The following PPT1 variants were observed in gnomAD, a reference collection of about 807,000 sequenced individuals.
The protein encoded by PPT1 is ceroid-palmitoyl-palmitoyl-protein thioesterase 1.
A neutral mutation model predicts 44.0 loss-of-function variants in PPT1; 24 were observed. The observed-to-expected ratio is 0.54, with a 90% confidence interval of 0.39 to 0.77. PPT1 has a LOEUF of 0.77. PPT1 is among the 30% of genes least tolerant of loss of function. PPT1 has a pLI of 0.00. For missense variants in PPT1, 341 were observed against 378.8 expected, an observed-to-expected ratio of 0.90 and a Z score of 0.83; for synonymous variants, 148 against 140.2, an observed-to-expected ratio of 1.06 and a Z score of -0.39.
chr1:40,078,552 T>C lies in PPT1; in HGVS notation c.726+8A>G, dbSNP rs1648749980. 2 of 1,611,734 alleles carry C rather than the reference T, an allele frequency of 1.2e-6. No homozygotes were observed. The highest frequency in any genetic ancestry group is 3.3e-5 in the Admixed American group (2 of 60,016). ...CTCTCCTGGCATGTGGCCTAAGTAG[T>C]GTCTCACCTCCGAATCTACAGGGTC... On this transcript the variant is annotated splice_region_variant and intron_variant, in intron 7 of 8. Coordinates refer to ENST00000642050, the MANE Select transcript of PPT1 (RefSeq NM_000310.4).
intron 5 of PPT1, among the ~76,000 whole-genome samples, chr1:40,088,466 C>T (rs769985086): frequency 2.0e-5 from 3 of 152,088 alleles, no homozygotes; most frequent in Non-Finnish European, 4.4e-5. Context: ...AGGATAAAGC[C>T]CAGGAATCCA....
chr1:40,074,757 C>T (rs1167237474), intron 8 of PPT1, among the ~76,000 whole-genome samples: 2 of 151,960 alleles, frequency 1.3e-5, no homozygotes, highest in African/African-American at 2.4e-5. Context: ...GCGTGAGCCA[C>T]CACACCCGGC....
chr1:40,092,895 A>G (rs953853966), intron 1 of PPT1, among the ~76,000 whole-genome samples: 1 of 152,254 alleles, frequency 6.6e-6, no homozygotes, highest in Non-Finnish European at 1.5e-5. Flanking sequence ...TCAACGATGT[A>G]GAAAAATGGG....
intron 4 of PPT1, 134 bp downstream of exon 4, chr1:40,091,195 G>C (rs1233027773): frequency 2.1e-6 from 2 of 933,694 alleles, no homozygotes; most frequent in African/African-American, 3.3e-5. Context: ...TGGCTAGTTT[G>C]TTAAAAGCTA....
At chr1:40,074,952 A>T (rs75047140) in intron 8 of PPT1, among the ~76,000 whole-genome samples, 11,219 of 152,114 alleles carry the variant, frequency 0.074, 614 homozygotes, top group South Asian at 0.2. Flanking sequence ...TAGCTAGGTA[A>T]CTTAAAAAAC....
At chr1:40,093,411 T>C (rs1649671504) in intron 1 of PPT1, among the ~76,000 whole-genome samples, 1 of 111,044 alleles carries the variant, frequency 9.0e-6, no homozygotes, top group Non-Finnish European at 2.0e-5. Flanking sequence ...TGGCTATGTG[T>C]GTTTTTCTGG....
chr1:40,071,893 C>T (rs61781911), downstream of PPT1: 2,382 of 432,348 alleles, frequency 5.5e-3, 54 homozygotes, highest in East Asian at 0.046. Context: ...ATTAACAGAT[C>T]AGAATGTTCA....
chr1:40,097,175 G>GGCGGGTCC lies in PPT1; in HGVS notation c.63_64insGGACCCGC (p.Arg22GlyfsTer18). The GGCGGGTCC allele has an allele frequency of 1.9e-6, 3 of 1,614,132 alleles. No homozygotes were observed. Among genetic ancestry groups the GGCGGGTCC allele is most frequent in the Non-Finnish European group, 2.5e-6 (3 of 1,179,978 alleles). ...GGCGGGTCCAGATGCTGCAGCGCCCGAGAAGCGCAGGTCCATGGCAGGAGA... is the reference window on the plus strand; with the variant it reads ...GGCGGGTCCAGATGCTGCAGCGCCCGGCGGGTCCAGAAGCGCAGGTCCATGGCAGGAGA... On this transcript the variant is annotated frameshift_variant, in exon 1 of 9. Coordinates refer to ENST00000642050, the MANE Select transcript of PPT1 (RefSeq NM_000310.4). LOFTEE classifies it high-confidence loss of function.
chr1:40,072,092 C>T (rs1393194561), downstream of PPT1: 1 of 402,148 alleles, frequency 2.5e-6, no homozygotes, highest in Non-Finnish European at 4.4e-6. Flanking sequence ...TCCTTTTATT[C>T]TCTATTCTAT....
At chr1:40,093,932 C>A in intron 1 of PPT1, 2 of 710,406 alleles carry the variant, frequency 2.8e-6, no homozygotes, top group Non-Finnish European at 5.2e-6. Context: ...TGGGCTCATA[C>A]CTATCATCCC....
In PPT1 at chr1:40,089,447, G is replaced by T; in HGVS notation, c.499C>A (p.Leu167Met). ...ACTTTGGAGTACGCCCCAGCATTCA[G>T]TGTTTTTCGGATGAAGTCACAGATG... ...SHICDFIRKTLNAGAYSKVVQ... is the reference protein window; with the variant it reads ...SHICDFIRKTMNAGAYSKVVQ... Residue 167 changes from leucine to methionine, a missense_variant, in exon 5 of 9, where the codon CTG becomes ATG. Coordinates refer to ENST00000642050, the MANE Select transcript of PPT1 (RefSeq NM_000310.4). 1 of 1,614,104 alleles carries T rather than the reference G, an allele frequency of 6.2e-7. No homozygotes were observed. The highest frequency in any genetic ancestry group is 1.1e-5 in the South Asian group (1 of 91,074).
At chr1:40,087,061 C>T (rs1479870265) in intron 5 of PPT1, among the ~76,000 whole-genome samples, 2 of 151,980 alleles carry the variant, frequency 1.3e-5, no homozygotes, top group Non-Finnish European at 2.9e-5. Flanking sequence ...AGTTCTCACA[C>T]TCATTCATCT....
chr1:40,074,760 C>T (rs1474407989), intron 8 of PPT1, among the ~76,000 whole-genome samples: 3 of 152,040 alleles, frequency 2.0e-5, no homozygotes, highest in African/African-American at 7.2e-5. Flanking sequence ...TGAGCCACCA[C>T]ACCCGGCCAG....
Position 40,074,007 on chromosome 1 carries a change from T to C in PPT1, c.*54A>G, listed in dbSNP as rs540292663. The C allele has an allele frequency of 4.4e-6, 7 of 1,608,192 alleles. No homozygotes were observed. The highest frequency in any genetic ancestry group is 5.1e-6 in the Non-Finnish European group (6 of 1,175,468). The stretch of plus-strand genomic sequence containing the variant: ...TGGGCATGAAGGAAACTGTCTCCCA[T>C]GTGGTTTGGAAGAGTTAGGGGCTCC... On this transcript the variant is annotated 3_prime_UTR_variant, in exon 9 of 9. Transcript: ENST00000642050.
At chr1:40,071,663 A>G, downstream of PPT1, 1 of 624,092 alleles carries the variant, frequency 1.6e-6, no homozygotes, top group Non-Finnish European at 2.8e-6. Flanking sequence ...AAGCACAGCT[A>G]CCTGCCTTCA....
intron 8 of PPT1, 127 bp downstream of exon 8, chr1:40,076,715 G>T (rs1410764518): frequency 6.4e-7 from 1 of 1,574,260 alleles, no homozygotes; most frequent in Non-Finnish European, 8.6e-7. Flanking sequence ...CATGAGTCAG[G>T]TGTTTCAGGA....
At chr1:40,076,563 A>G (rs2124469940) in intron 8 of PPT1, 15 of 968,864 alleles carry the variant, frequency 1.5e-5, no homozygotes, top group East Asian at 2.3e-4. Context: ...AAACCTTTTT[A>G]TCAAAAGAAG....
intron 5 of PPT1, among the ~76,000 whole-genome samples, chr1:40,084,767 A>G (rs956283790): frequency 1.3e-4 from 20 of 152,262 alleles, no homozygotes; most frequent in Admixed American, 1.2e-3. Flanking sequence ...CCCTACAATC[A>G]TAACCTAGGA....
chr1:40,093,776 T>TG (rs1365687003), intron 1 of PPT1, among the ~76,000 whole-genome samples: 2 of 148,330 alleles, frequency 1.3e-5, no homozygotes, highest in African/African-American at 2.5e-5. Flanking sequence ...TCCCGCTACT[T>TG]GGGGGGCTGA....
Sources: allele counts gnomAD v4.1 joint callset (sites outside exome capture counted in the v4.1 genomes callset), GRCh38; gene constraint gnomAD v4.1.1; transcripts MANE v1.5; gene names NCBI Gene and HGNC (gene_info 2026-07-23, HGNC 2026-07-21).